Variants in MET observed in about 807,000 individuals in gnomAD.
The protein encoded by MET is hepatocyte growth factor receptor.
A neutral mutation model predicts 133.1 loss-of-function variants in MET; 48 were observed. That is an observed-to-expected ratio of 0.36 (90% confidence interval 0.29 to 0.46). MET has a LOEUF of 0.46. MET is among the 20% of genes least tolerant of loss of function. The pLI is 1.00. For missense variants in MET, 1,442 were observed against 1,695.9 expected (o/e 0.85, Z 2.63); for synonymous variants, 628 against 616.5 (o/e 1.02, Z -0.28).
At chr7:116,769,839 A>G (rs771957466) in intron 12 of MET, 48 bp downstream of exon 12, 2 of 1,612,326 alleles carry the variant, frequency 1.2e-6, no homozygotes, top group South Asian at 2.2e-5. Context: ...AAGCCAGTGT[A>G]ATTATGTTAT....
chr7:116,791,213 G>C (rs970985685), intron 19 of MET, among the ~76,000 whole-genome samples: 1 of 152,144 alleles, frequency 6.6e-6, no homozygotes, highest in Admixed American at 6.5e-5. Flanking sequence ...TGAATATCTA[G>C]GTGTAAGAGT....
chr7:116,746,722 T>C (rs1348479090), intron 5 of MET, among the ~76,000 whole-genome samples: 1 of 145,654 alleles, frequency 6.9e-6, no homozygotes, highest in African/African-American at 2.6e-5. Context: ...TAGGTGGGAA[T>C]TGAACAATGA....
chr7:116,777,997 C>T (rs1274239740), intron 16 of MET, among the ~76,000 whole-genome samples: 1 of 152,112 alleles, frequency 6.6e-6, no homozygotes, highest in African/African-American at 2.4e-5. Context: ...CATGAACTTC[C>T]TAAATAAATG....
At chr7:116,688,437 AT>A (rs1796655086) in intron 1 of MET, among the ~76,000 whole-genome samples, 1 of 152,210 alleles carries the variant, frequency 6.6e-6, no homozygotes, top group Non-Finnish European at 1.5e-5. Context: ...CTTTCTTTAC[AT>A]TGGGGAAGTT....
chr7:116,786,041 C>T (rs1424681622), intron 19 of MET, among the ~76,000 whole-genome samples: 1 of 152,212 alleles, frequency 6.6e-6, no homozygotes, highest in Non-Finnish European at 1.5e-5. Flanking sequence ...GACTGGTTGG[C>T]TTAAACAACA....
intron 2 of MET, among the ~76,000 whole-genome samples, chr7:116,721,478 C>G (rs1792483279): frequency 6.6e-6 from 1 of 152,170 alleles, no homozygotes; most frequent in African/African-American, 2.4e-5. Context: ...TTTTGTGTCT[C>G]TATTTCCTCA....
At chr7:116,759,241 T>C (rs1157738518) in intron 9 of MET, 150 bp from the exon 10 acceptor site, 2 of 1,146,300 alleles carry the variant, frequency 1.7e-6, no homozygotes, top group East Asian at 5.2e-5. Context: ...ATAAGTTGTT[T>C]CCAAAGAACA....
chr7:116,693,032 A>G (rs1796829789), intron 1 of MET, among the ~76,000 whole-genome samples: 1 of 152,242 alleles, frequency 6.6e-6, no homozygotes, highest in Non-Finnish European at 1.5e-5. Flanking sequence ...ACAAAAATAT[A>G]TGAAAAGTGA....
chr7:116,672,325 G>C lies in MET; in HGVS notation c.-267G>C. 1 of 277,866 alleles carries C rather than the reference G, an allele frequency of 3.6e-6. No individual in the cohort carries two copies. Among genetic ancestry groups the C allele is most frequent in the Non-Finnish European group, 6.7e-6 (1 of 149,494 alleles). 17.2% of individuals were successfully genotyped at this position (277,866 alleles called of 1,614,324 possible). ...GGCTGAGTCACTGGCAGGGCAGCGCGCGTGTGGGAAGGGGCGGAGGGAGTG... is the reference window on the plus strand; with the variant it reads ...GGCTGAGTCACTGGCAGGGCAGCGCCCGTGTGGGAAGGGGCGGAGGGAGTG... On this transcript the variant is annotated 5_prime_UTR_variant, in exon 1 of 21. Transcript: ENST00000397752.
At chr7:116,774,676 A>T (rs1057402061) in intron 14 of MET, among the ~76,000 whole-genome samples, 1 of 152,248 alleles carries the variant, frequency 6.6e-6, no homozygotes, top group African/African-American at 2.4e-5. Flanking sequence ...AAATGAGGGT[A>T]AAAAGCTTTC....
intron 1 of MET, among the ~76,000 whole-genome samples, chr7:116,689,663 A>G (rs745391152): frequency 6.4e-5 from 9 of 141,030 alleles, no homozygotes; most frequent in Non-Finnish European, 1.0e-4. Context: ...CAACCTCCCT[A>G]GCTCAAGTGA....
Position 116,677,002 on chromosome 7 carries a change from T to G in MET, c.-15+4425T>G, listed in dbSNP as rs578056540. 9.9e-5 allele frequency among the ~76,000 whole-genome samples: 15 copies of G among 151,868 alleles called. No individual in the cohort carries two copies. In the East Asian group the frequency reaches 2.9e-3, roughly 30 times the overall value. ...AGTGTTGTTTTGTTTTTTTTTTTGT[T>G]TTTTTGTTTTGTTTTGTTTTGTTTT... On this transcript the variant is annotated intron_variant, in intron 1 of 20. Transcript: ENST00000397752.
rs786202727 is a variant in MET at position 116,699,683 on chromosome 7, C to A, written c.599C>A (p.Thr200Asn). Reference sequence around the variant, plus strand: ...TTCATCAACTTCTTTGTAGGCAATACCATAAATTCTTCTTATTTCCCAGAT... The same window carrying A: ...TTCATCAACTTCTTTGTAGGCAATAACATAAATTCTTCTTATTTCCCAGAT... Reference protein sequence around the residue: ...DRFINFFVGNTINSSYFPDHP... With the variant: ...DRFINFFVGNNINSSYFPDHP... The change falls in exon 2 of 21, where the codon ACC (threonine) becomes AAC (asparagine). Residue 200 changes from threonine to asparagine, a missense_variant. Thr to Asn is a moderately conservative substitution (Grantham distance 65). This residue lies in a region of MET where 762 missense variants were observed against 792.4 expected (regional missense o/e 0.96). Coordinates refer to ENST00000397752, the MANE Select transcript of MET (RefSeq NM_000245.4). 3.1e-6 allele frequency: 5 copies of A among 1,613,874 alleles called. No individual in the cohort carries two copies. The highest frequency in any genetic ancestry group is 1.7e-5 in the Admixed American group (1 of 59,980).
intron 10 of MET, among the ~76,000 whole-genome samples, chr7:116,761,761 T>A (rs1449201119): frequency 1.3e-5 from 2 of 152,094 alleles, no homozygotes; most frequent in Non-Finnish European, 2.9e-5. Context: ...TATATAAAAC[T>A]AAATAGTATA....
At position 116,683,768 on chromosome 7, in the gene MET, T is replaced by C. The variant is rs147131910; in HGVS notation, c.-15+11191T>C. On this transcript the variant is annotated intron_variant, in intron 1 of 20. Transcript: ENST00000397752. ...GACCCGTCTGTAGAATTTGACACCA[T>C]ACATTTTATTTCTCCCTTCTCGAAA... Among the ~76,000 whole-genome samples the C allele has an allele frequency of 8.5e-5, 13 of 152,346 alleles. No homozygotes were observed. The East Asian group carries it at 2.3e-3, about 27-fold the overall frequency.
intron 10 of MET, 51 bp from the exon 11 acceptor site, chr7:116,762,999 A>T (rs2116952769): frequency 2.7e-6 from 4 of 1,462,870 alleles, no homozygotes; most frequent in Non-Finnish European, 3.8e-6. Flanking sequence ...GTTGCTATGG[A>T]TGTTGCCAAG....
intron 5 of MET, among the ~76,000 whole-genome samples, chr7:116,754,534 A>G (rs1372951429): frequency 1.3e-5 from 2 of 152,112 alleles, no homozygotes; most frequent in Middle Eastern, 3.2e-3. Flanking sequence ...GAATGGCCCA[A>G]AAAGGGCCAG....
chr7:116,717,914 T>C (rs764594692), intron 2 of MET, among the ~76,000 whole-genome samples: 5 of 152,034 alleles, frequency 3.3e-5, no homozygotes, highest in Non-Finnish European at 5.9e-5. Flanking sequence ...AAAAAAGCTA[T>C]ATGACTAAGT....
intron 2 of MET, among the ~76,000 whole-genome samples, chr7:116,709,417 T>C (rs990134645): frequency 2.0e-5 from 3 of 152,212 alleles, no homozygotes; most frequent in Non-Finnish European, 2.9e-5. Flanking sequence ...ACAGAGACCA[T>C]CTGAATTGCC....
Sources: gnomAD v4.1 joint callset for allele counts (sites outside exome capture counted in the v4.1 genomes callset) on GRCh38, gnomAD v4.1.1 for gene constraint, gnomAD v4.1.1 regional missense constraint, MANE v1.5 for transcripts, NCBI Gene and HGNC (gene_info 2026-07-23, HGNC 2026-07-21) for gene names.